DLGAP1: variants seen among roughly 807,000 people sequenced by gnomAD.
The protein encoded by DLGAP1 is DLG associated protein 1, also known as disks large-associated protein 1.
DLGAP1 carries 11 observed loss-of-function variants against 90.8 expected under a neutral mutation model. The observed-to-expected ratio is 0.12, with a 90% confidence interval of 0.08 to 0.20. The LOEUF is 0.20. DLGAP1 is among the 10% of genes least tolerant of loss of function. DLGAP1 has a pLI of 1.00. For synonymous variants in DLGAP1, 558 were observed against 540.7 expected (o/e 1.03, Z -0.44); for missense variants, 1,050 against 1,333.8 (o/e 0.79, Z 3.31).
intron 3 of DLGAP1, among the ~76,000 whole-genome samples, chr18:3,965,133 G>A (rs2073295683): frequency 6.6e-6 from 1 of 152,102 alleles, no homozygotes; most frequent in African/African-American, 2.4e-5. Flanking sequence ...TAGAGGCATG[G>A]ATTCACTTTA....
At position 4,088,933 on chromosome 18, in the gene DLGAP1, T is replaced by C. The variant is rs768305522; in HGVS notation, c.-159+62247A>G. Among the ~76,000 whole-genome samples the C allele has an allele frequency of 1.1e-4, 17 of 152,160 alleles. 1 individual carries two copies. The highest frequency in any genetic ancestry group is 5.9e-5 in the Non-Finnish European group (4 of 68,038). On this transcript the variant is annotated intron_variant, in intron 2 of 12. Coordinates refer to ENST00000315677, the MANE Select transcript of DLGAP1 (RefSeq NM_004746.4). The stretch of plus-strand genomic sequence containing the variant: ...CTCTCACCACTCCTATTCAACATAG[T>C]GTTGGAAGTTTTGGCCAGCGCAAGC...
At chr18:3,629,278 A>T (rs899026970) in intron 7 of DLGAP1, among the ~76,000 whole-genome samples, 3 of 152,114 alleles carry the variant, frequency 2.0e-5, no homozygotes, top group South Asian at 2.1e-4. Context: ...TGGGAGGATC[A>T]CTTGAACCTG....
At chr18:4,385,458 C>T (rs1184044598) in intron 1 of DLGAP1, among the ~76,000 whole-genome samples, 2 of 151,302 alleles carry the variant, frequency 1.3e-5, no homozygotes, top group Non-Finnish European at 2.9e-5. Context: ...TACATCATCA[C>T]AATACTTTCA....
At chr18:3,799,967 C>G (rs2066210414) in intron 5 of DLGAP1, among the ~76,000 whole-genome samples, 1 of 152,078 alleles carries the variant, frequency 6.6e-6, no homozygotes, top group Non-Finnish European at 1.5e-5. Flanking sequence ...AACTGTTGAT[C>G]AAATATTACC....
chr18:4,006,567 G>A (rs915476105), intron 2 of DLGAP1, among the ~76,000 whole-genome samples: 1 of 151,912 alleles, frequency 6.6e-6, no homozygotes, highest in Non-Finnish European at 1.5e-5. Context: ...CATAGTTATC[G>A]CAAGCAGCCT....
chr18:3,841,934 A>G (rs993728161), intron 4 of DLGAP1, among the ~76,000 whole-genome samples: 1 of 152,150 alleles, frequency 6.6e-6, no homozygotes, highest in Non-Finnish European at 1.5e-5. Flanking sequence ...GAAAACAGGC[A>G]ATCCTACCTA....
At chr18:3,844,790 C>T (rs1308137885) in intron 4 of DLGAP1, among the ~76,000 whole-genome samples, 1 of 152,096 alleles carries the variant, frequency 6.6e-6, no homozygotes, top group Non-Finnish European at 1.5e-5. Context: ...TGAAATGATT[C>T]AGAAATCAAC....
intron 3 of DLGAP1, among the ~76,000 whole-genome samples, chr18:3,944,618 A>G (rs1460747636): frequency 6.6e-6 from 1 of 152,254 alleles, no homozygotes; most frequent in Non-Finnish European, 1.5e-5. Flanking sequence ...CTGAGGCCCC[A>G]TAAGACTGAC....
At chr18:3,567,866 T>A (rs2054526926) in intron 8 of DLGAP1, among the ~76,000 whole-genome samples, 1 of 152,196 alleles carries the variant, frequency 6.6e-6, no homozygotes, top group African/African-American at 2.4e-5. Context: ...CTGTAAATAC[T>A]ATATTAGAAG....
At chr18:3,651,092 G>T (rs2146442896) in intron 7 of DLGAP1, among the ~76,000 whole-genome samples, 1 of 126,648 alleles carries the variant, frequency 7.9e-6, no homozygotes, top group South Asian at 2.5e-4. Flanking sequence ...TGGGCACGGT[G>T]GCTCACGCCT....
At chr18:4,401,551 T>C (rs1442498107) in intron 1 of DLGAP1, among the ~76,000 whole-genome samples, 1 of 152,164 alleles carries the variant, frequency 6.6e-6, no homozygotes, top group African/African-American at 2.4e-5. Context: ...ATTTAATCAT[T>C]AGTGTGTGTC....
chr18:3,659,790 T>C lies in DLGAP1; in HGVS notation c.1591+69345A>G, dbSNP rs538471262. On this transcript the variant is annotated intron_variant, in intron 7 of 12. Transcript: ENST00000315677. ...CATGTTGGCCAGGATGGTCTTGATC[T>C]CTTGACCTCATGATCCGCCTGCCTC... Among the ~76,000 whole-genome samples, 3 of 152,262 alleles carry C rather than the reference T, an allele frequency of 2.0e-5. 1 individual carries two copies. Among genetic ancestry groups the C allele is most frequent in the Admixed American group, 6.5e-5 (1 of 15,292 alleles).
chr18:4,010,539 C>T (rs2074396666), intron 2 of DLGAP1, among the ~76,000 whole-genome samples: 1 of 152,102 alleles, frequency 6.6e-6, no homozygotes, highest in South Asian at 2.1e-4. Context: ...CAGTGAGACT[C>T]TGTCTAAAAA....
At chr18:4,019,097 C>G (rs778499015) in intron 2 of DLGAP1, among the ~76,000 whole-genome samples, 1 of 152,164 alleles carries the variant, frequency 6.6e-6, no homozygotes, top group Non-Finnish European at 1.5e-5. Flanking sequence ...AAAATTCTTG[C>G]GAAGGTCATT....
At chr18:4,045,867 T>A (rs1216406349) in intron 2 of DLGAP1, among the ~76,000 whole-genome samples, 1 of 150,726 alleles carries the variant, frequency 6.6e-6, no homozygotes, top group East Asian at 2.0e-4. Flanking sequence ...TAGCTCACTA[T>A]AACCTCAAGC....
chr18:3,554,230 G>A (rs1568184927), intron 9 of DLGAP1, among the ~76,000 whole-genome samples: 1 of 152,176 alleles, frequency 6.6e-6, no homozygotes, highest in Non-Finnish European at 1.5e-5. Flanking sequence ...ACTTCTGCAT[G>A]GGGCCACTGG....
chr18:3,709,533 T>C lies in DLGAP1; in HGVS notation c.1591+19602A>G, dbSNP rs549416652. 1.8e-3 allele frequency among the ~76,000 whole-genome samples: 267 copies of C among 152,334 alleles called. 1 individual carries two copies. Among genetic ancestry groups the C allele is most frequent in the Non-Finnish European group, 2.8e-3 (189 of 68,032 alleles). ...CACTGTATACAATCCCTTGGTCATT[T>C]AGGGAGACAGTACACCAGGCTTTTC... On this transcript the variant is annotated intron_variant, in intron 7 of 12. Coordinates refer to ENST00000315677, the MANE Select transcript of DLGAP1 (RefSeq NM_004746.4).
At chr18:3,847,815 A>C (rs2069101490) in intron 4 of DLGAP1, among the ~76,000 whole-genome samples, 2 of 152,290 alleles carry the variant, frequency 1.3e-5, no homozygotes, top group African/African-American at 4.8e-5. Flanking sequence ...AAAGTGCCCC[A>C]AAAGGGCTAA....
At chr18:3,881,131 CT>C (rs11336449) in intron 3 of DLGAP1, among the ~76,000 whole-genome samples, 58,301 of 149,084 alleles carry the variant, frequency 0.39, 11,469 homozygotes, top group South Asian at 0.54. Flanking sequence ...TTTTCTTTTT[CT>C]TTTTTTTGTG....
Sources: allele counts gnomAD v4.1 joint callset (sites outside exome capture counted in the v4.1 genomes callset), GRCh38; gene constraint gnomAD v4.1.1; transcripts MANE v1.5; gene names NCBI Gene and HGNC (gene_info 2026-07-23, HGNC 2026-07-21).